The following DMD variants were observed in gnomAD, a reference collection of about 807,000 sequenced individuals.
DMD encodes the protein mutant dystrophin.
A neutral mutation model predicts 330.1 loss-of-function variants in DMD; 63 were observed. The observed-to-expected ratio is 0.19, with a 90% CI of 0.16 to 0.24. The LOEUF is 0.24. Ranked by LOEUF, DMD falls within the 10% of genes least tolerant of loss-of-function variation. The probability of loss-of-function intolerance (pLI) is 1.00; values close to 1 mark genes in which losing one functional copy is unlikely to be tolerated. For missense variants in DMD, 3,344 were observed against 2,684.1 expected (o/e 1.25, Z -5.43); for synonymous variants, 1,223 against 959.8 (o/e 1.27, Z -5.07).
intron 52 of DMD, among the ~76,000 whole-genome samples, chrX:31,703,636 A>C (rs1410841165): frequency 8.9e-6 from 1 of 112,141 alleles, no homozygotes; most frequent in East Asian, 2.8e-4. Context: ...AATCATCACA[A>C]ATATGCAATA....
chrX:31,338,676 T>C (rs2057543360), intron 61 of DMD, among the ~76,000 whole-genome samples: 1 of 110,781 alleles, frequency 9.0e-6, no homozygotes, highest in Non-Finnish European at 1.9e-5. Context: ...AATAGGGCTC[T>C]ACTTCTAGGG....
chrX:32,337,286 A>G (rs759042169), intron 41 of DMD, among the ~76,000 whole-genome samples: 9 of 109,991 alleles, frequency 8.2e-5, no homozygotes, highest in Non-Finnish European at 1.7e-4. Flanking sequence ...ACATCTGGAG[A>G]TGTTGGTAGA....
chrX:31,734,066 G>T, intron 51 of DMD, among the ~76,000 whole-genome samples: 1 of 110,919 alleles, frequency 9.0e-6, no homozygotes, highest in Non-Finnish European at 1.9e-5. Flanking sequence ...ATAATTTCAA[G>T]CTTGCAGAAT....
intron 48 of DMD, among the ~76,000 whole-genome samples, chrX:31,854,708 G>A (rs2093586454): frequency 8.9e-6 from 1 of 111,817 alleles, no homozygotes; most frequent in African/African-American, 3.3e-5. Flanking sequence ...TAAAAAGTAG[G>A]TTTTATTTGA....
At chrX:31,572,640 T>A (rs2075885115) in intron 55 of DMD, among the ~76,000 whole-genome samples, 1 of 112,459 alleles carries the variant, frequency 8.9e-6, no homozygotes, top group Non-Finnish European at 1.9e-5. Context: ...AACTAACTCT[T>A]AAACACATGT....
At chrX:31,915,209 G>T (rs769885278) in intron 47 of DMD, among the ~76,000 whole-genome samples, 1 of 103,358 alleles carries the variant, frequency 9.7e-6, no homozygotes, top group East Asian at 2.9e-4. Flanking sequence ...ACTTTGACTG[G>T]TCTCTCTTGG....
At chrX:33,230,927 G>C (rs2052376801) in intron 1 of DMD, among the ~76,000 whole-genome samples, 1 of 107,374 alleles carries the variant, frequency 9.3e-6, no homozygotes, top group Admixed American at 1.0e-4. Flanking sequence ...AAATGAGCTA[G>C]TTTATGTGCT....
chrX:31,461,717 T>C (rs1434789903), intron 59 of DMD, among the ~76,000 whole-genome samples: 1 of 111,506 alleles, frequency 9.0e-6, no homozygotes, highest in Non-Finnish European at 1.9e-5. Context: ...TCTCATTATT[T>C]ATAAAGAATT....
At chrX:33,291,527 C>T (rs921940484) in intron 1 of DMD, among the ~76,000 whole-genome samples, 3 of 111,158 alleles carry the variant, frequency 2.7e-5, no homozygotes, top group South Asian at 3.8e-4. Context: ...CTGATGTTCT[C>T]GTTATTTTGT....
intron 55 of DMD, among the ~76,000 whole-genome samples, chrX:31,538,074 C>T (rs768822638): frequency 4.5e-5 from 5 of 111,779 alleles, no homozygotes; most frequent in Admixed American, 2.8e-4. Context: ...GCCGTTGTCG[C>T]GTCTAGCCCG....
At chrX:32,882,348 C>T (rs2084038183) in intron 2 of DMD, among the ~76,000 whole-genome samples, 1 of 112,055 alleles carries the variant, frequency 8.9e-6, no homozygotes, top group South Asian at 3.7e-4. Flanking sequence ...TTTTTCAATA[C>T]CTAGATCCCA....
rs976578163 is a variant in DMD, at chrX:32,221,990, C to A, written c.6291-4927G>T. On this transcript the variant is annotated intron_variant, in intron 43 of 78. Transcript: ENST00000357033. The stretch of plus-strand genomic sequence containing the variant: ...ACATTTTCTTTATCCACTCATTGGT[C>A]GGCTGGCACTTAGGATGGTTCCATA... Among the ~76,000 whole-genome samples the A allele has an allele frequency of 1.6e-4, 18 of 111,599 alleles. No individual in the cohort carries two copies. In the East Asian group the frequency reaches 2.0e-3, roughly 12 times the overall value.
chrX:33,054,556 C>T (rs926087051), intron 1 of DMD, among the ~76,000 whole-genome samples: 12 of 111,960 alleles, frequency 1.1e-4, no homozygotes, highest in African/African-American at 9.7e-5. Context: ...ATTAGTGTGA[C>T]GAAGGAAAAC....
chrX:32,769,818 A>G (rs1421990672), intron 7 of DMD, among the ~76,000 whole-genome samples: 1 of 28,969 alleles, frequency 3.5e-5, no homozygotes, highest in Non-Finnish European at 5.3e-5. Flanking sequence ...GAAAAACCAG[A>G]AAAAAAAAAA....
At chrX:32,932,001 G>A (rs747623780) in intron 2 of DMD, among the ~76,000 whole-genome samples, 5 of 111,777 alleles carry the variant, frequency 4.5e-5, no homozygotes, top group Non-Finnish European at 7.5e-5. Flanking sequence ...TGAGGGTCTA[G>A]AAAATCTATT....
intron 6 of DMD, among the ~76,000 whole-genome samples, chrX:32,810,229 A>G (rs1246493013): frequency 8.9e-6 from 1 of 111,965 alleles, no homozygotes; most frequent in East Asian, 2.8e-4. Context: ...GATGACAAAT[A>G]ATCTACGCTA....
At chrX:31,614,470 T>C (rs996832190) in intron 55 of DMD, among the ~76,000 whole-genome samples, 1 of 112,411 alleles carries the variant, frequency 8.9e-6, no homozygotes, top group African/African-American at 3.2e-5. Context: ...GTTATTATAA[T>C]GCTAATATTG....
intron 53 of DMD, among the ~76,000 whole-genome samples, chrX:31,669,590 T>G (rs1297119716): frequency 8.9e-6 from 1 of 111,973 alleles, no homozygotes; most frequent in Non-Finnish European, 1.9e-5. Flanking sequence ...CATTGAATTC[T>G]CTTGGTACCC....
chrX:31,661,870 T>C (rs1308492232), intron 53 of DMD, among the ~76,000 whole-genome samples: 1 of 112,277 alleles, frequency 8.9e-6, no homozygotes, highest in Non-Finnish European at 1.9e-5. Flanking sequence ...TTGATATATA[T>C]TCACAGTATC....
Sources: allele counts gnomAD v4.1 joint callset (sites outside exome capture counted in the v4.1 genomes callset), GRCh38; gene constraint gnomAD v4.1.1; transcripts MANE v1.5; gene names NCBI Gene and HGNC (gene_info 2026-07-23, HGNC 2026-07-21).